Variants in EML2 observed in about 807,000 individuals in gnomAD.
EML2 encodes EMAP like 2.
EML2 carries 59 observed loss-of-function variants against 84.7 expected under a neutral mutation model. The observed-to-expected ratio is 0.70, with a 90% CI of 0.56 to 0.86. The LOEUF (loss-of-function observed/expected upper bound fraction) is 0.86, where lower values mean the gene tolerates loss of function less well. EML2 is among the 40% of genes least tolerant of loss of function. The pLI, the probability that EML2 is intolerant of heterozygous loss-of-function variation, is 0.00. For missense variants in EML2, 818 were observed against 855.6 expected, an observed-to-expected ratio of 0.96 and a Z score of 0.55; for synonymous variants, 352 against 348.9, an observed-to-expected ratio of 1.01 and a Z score of -0.10.
intron 14 of EML2, 30 bp from the exon 15 acceptor site, chr19:45,616,588 G>A: frequency 1.3e-6 from 2 of 1,563,610 alleles, no homozygotes; most frequent in South Asian, 2.2e-5. Context: ...GCTATGAGGA[G>A]GCACCCAGGC....
intron 9 of EML2, among the ~76,000 whole-genome samples, chr19:45,623,014 C>T (rs7250687): frequency 0.52 from 77,339 of 147,350 alleles, 20,422 homozygotes; most frequent in East Asian, 0.63. Flanking sequence ...GCCACTGCAC[C>T]CCAGCATGGG....
intron 18 of EML2, among the ~76,000 whole-genome samples, chr19:45,610,521 G>T (rs1027821890): frequency 6.6e-6 from 1 of 151,832 alleles, no homozygotes; most frequent in South Asian, 2.1e-4. Context: ...TGGCCAACGT[G>T]GTGAAACCCC....
At chr19:45,643,462 T>A, upstream of EML2, 10 of 1,290,594 alleles carry the variant, frequency 7.7e-6, no homozygotes, top group Non-Finnish European at 1.1e-5. Flanking sequence ...CTCCAGCCTA[T>A]GGGTGCAGCC....
chr19:45,629,113 A>G (rs1254593040), intron 7 of EML2, among the ~76,000 whole-genome samples: 1 of 151,860 alleles, frequency 6.6e-6, no homozygotes. Context: ...AGATGCTACC[A>G]TTATCCCCAT....
rs1183657617 is a variant in EML2, at chr19:45,609,436, GAAA to G, written c.*224_*226del. On this transcript the variant is annotated 3_prime_UTR_variant, in exon 19 of 19. Coordinates refer to ENST00000245925, the MANE Select transcript of EML2 (RefSeq NM_012155.4). ...GTCTTTATTTCTGGATGATATAAAA[GAAA>G]AAACTTAAAAAACACCCCAAACCAA... 2.3e-6 allele frequency: 1 copy of G among 432,372 alleles called. No individual in the cohort carries two copies. The highest frequency in any genetic ancestry group is 2.0e-5 in the African/African-American group (1 of 48,870). The allele number at this position is 432,372 out of a possible 1,614,324, so 26.8% of individuals were successfully genotyped here. A position where few individuals can be genotyped will look rare whatever the true frequency, so the allele number is the denominator to read the frequency against.
chr19:45,621,265 G>A lies in EML2; in HGVS notation c.1064C>T (p.Thr355Ile). ...EGHGDTLYVG[T>I]TRNSILQGSV... ...GCCCTGCAGGATGGAATTGCGGGTG[G>A]TCCCCACGTACAGTGTGTCTCCGTG... Residue 355 changes from threonine to isoleucine, a missense_variant, in exon 11 of 19, where the codon ACC becomes ATC. Coordinates refer to ENST00000245925, the MANE Select transcript of EML2 (RefSeq NM_012155.4). The A allele has an allele frequency of 6.2e-7, 1 of 1,614,034 alleles. No homozygotes were observed. Among genetic ancestry groups the A allele is most frequent in the Non-Finnish European group, 8.5e-7 (1 of 1,180,002 alleles).
At chr19:45,641,694 G>T, upstream of EML2, 1 of 1,536,140 alleles carries the variant, frequency 6.5e-7, no homozygotes, top group Non-Finnish European at 8.7e-7. Flanking sequence ...GGCTGCGGGG[G>T]TCCTCACGGC....
In EML2 at chr19:45,609,661, C is replaced by T. The variant is rs1970277698; in HGVS notation, c.*2G>A. The stretch of plus-strand genomic sequence containing the variant: ...CTGACACCTGACTCTTCCCTGGCCG[C>T]ATCAGACCACCCGCCACTGTAGCAC... On this transcript the variant is annotated 3_prime_UTR_variant, in exon 19 of 19. Coordinates refer to ENST00000245925, the MANE Select transcript of EML2 (RefSeq NM_012155.4). The T allele has an allele frequency of 1.3e-6, 2 of 1,599,926 alleles. No individual in the cohort carries two copies. Among genetic ancestry groups the T allele is most frequent in the African/African-American group, 2.7e-5 (2 of 73,982 alleles).
rs747069253 is a variant in EML2 at position 45,624,838 on chromosome 19, G to A, written c.742-20C>T. 15 of 1,574,702 alleles carry A rather than the reference G, an allele frequency of 9.5e-6. No homozygotes were observed. The highest frequency in any genetic ancestry group is 1.3e-5 in the Non-Finnish European group (15 of 1,152,246). ...ATGTTTCTAAGGTGGGGGAGGAAAGGAAGGTGTCAGAGCGTCACTGAAGCA... is the reference window on the plus strand; with the variant it reads ...ATGTTTCTAAGGTGGGGGAGGAAAGAAAGGTGTCAGAGCGTCACTGAAGCA... On this transcript the variant is annotated intron_variant, in intron 8 of 18. Coordinates refer to ENST00000245925, the MANE Select transcript of EML2 (RefSeq NM_012155.4).
chr19:45,639,038 G>A (rs1410465271), intron 1 of EML2, 165 bp from the exon 2 acceptor site: 1 of 878,810 alleles, frequency 1.1e-6, no homozygotes, highest in South Asian at 1.3e-5. Context: ...TTGCTCGGTT[G>A]ATCTTGCAGA....
chr19:45,630,235 TAAAC>T (rs1244033362), intron 6 of EML2, among the ~76,000 whole-genome samples, 189 bp from the exon 7 acceptor site: 1 of 151,660 alleles, frequency 6.6e-6, no homozygotes, highest in South Asian at 2.1e-4. Context: ...CCCTGTCTCT[TAAAC>T]AAAACAAATT....
At chr19:45,634,867 T>C (rs1973539067) in intron 3 of EML2, among the ~76,000 whole-genome samples, 1 of 150,586 alleles carries the variant, frequency 6.6e-6, no homozygotes, top group Non-Finnish European at 1.5e-5. Flanking sequence ...TTTTCTTTTT[T>C]TTGAGACGCA....
At chr19:45,614,341 A>AT (rs1794250960) in intron 17 of EML2, among the ~76,000 whole-genome samples, 1 of 152,210 alleles carries the variant, frequency 6.6e-6, no homozygotes, top group Non-Finnish European at 1.5e-5. Context: ...TGTTTGCTTC[A>AT]TTCGTGCCTG....
chr19:45,644,954 G>C, upstream of EML2: 1 of 470,504 alleles, frequency 2.1e-6, no homozygotes, highest in South Asian at 1.9e-5. Flanking sequence ...TGAGGGGAGA[G>C]AGAAAGGGCA....
Position 45,619,131 on chromosome 19 carries a change from A to C in EML2, c.1183T>G (p.Cys395Gly). ...AGATGCACCAGCTTATCCTGCCCGC[A>C]GGTCACAAACTGGGCCCGACTGGGG... is the stretch of plus-strand genomic sequence containing the variant. ...THPSRAQFVT[C>G]GQDKLVHLWS... The change falls in exon 12 of 19, where the codon TGC (cysteine) becomes GGC (glycine). Residue 395 changes from cysteine to glycine, a missense_variant. By Grantham distance (159) the Cys-to-Gly change is radical. Coordinates refer to ENST00000245925, the MANE Select transcript of EML2 (RefSeq NM_012155.4). The C allele has an allele frequency of 6.2e-7, 1 of 1,612,904 alleles. No homozygotes were observed. Among genetic ancestry groups the C allele is most frequent in the South Asian group, 1.1e-5 (1 of 90,950 alleles).
chr19:45,631,623 G>C (rs1401018989), intron 6 of EML2, among the ~76,000 whole-genome samples: 1 of 151,960 alleles, frequency 6.6e-6, no homozygotes, highest in Non-Finnish European at 1.5e-5. Context: ...GGCCAGGCTG[G>C]TCTCGAACTC....
At chr19:45,645,379 C>A, upstream of EML2, 3 of 1,518,218 alleles carry the variant, frequency 2.0e-6, no homozygotes, top group Non-Finnish European at 2.6e-6. Context: ...CGGTCCCAGC[C>A]CGGGCCCGGT....
chr19:45,615,746 G>C, intron 16 of EML2, 56 bp downstream of exon 16: 1 of 1,464,176 alleles, frequency 6.8e-7, no homozygotes, highest in Non-Finnish European at 9.6e-7. Flanking sequence ...CCAGAACTCA[G>C]GGAAGTCTGC....
chr19:45,645,022 G>A, upstream of EML2: 1 of 573,980 alleles, frequency 1.7e-6, no homozygotes, highest in Non-Finnish European at 3.1e-6. Flanking sequence ...AGGTTCCTTC[G>A]GGTTCTGCCC....
Sources: gnomAD v4.1 joint callset for allele counts (sites outside exome capture counted in the v4.1 genomes callset) on GRCh38, gnomAD v4.1.1 for gene constraint, MANE v1.5 for transcripts, NCBI Gene and HGNC (gene_info 2026-07-23, HGNC 2026-07-21) for gene names.